RPL24: variants seen among roughly 807,000 people sequenced by gnomAD.
The protein encoded by RPL24 is large ribosomal subunit protein eL24.
RPL24 carries 7 observed loss-of-function variants against 26.4 expected under a neutral mutation model. That is an observed-to-expected ratio of 0.27 (90% CI 0.15 to 0.50). The LOEUF is 0.50. Ranked by LOEUF, RPL24 falls within the 20% of genes least tolerant of loss-of-function variation. The pLI is 0.98. For synonymous variants in RPL24, 67 were observed against 65.2 expected (o/e 1.03, Z -0.13); for missense variants, 109 against 194.9 (o/e 0.56, Z 2.62).
intron 2 of RPL24, 83 bp from the exon 3 acceptor site, chr3:101,686,011 A>C: frequency 1.1e-6 from 1 of 892,044 alleles, no homozygotes; most frequent in Non-Finnish European, 1.8e-6. Flanking sequence ...TTAGAAGATC[A>C]ATATGCTAGT....
intron 3 of RPL24, among the ~76,000 whole-genome samples, chr3:101,684,247 C>T (rs7650435): frequency 6.6e-6 from 1 of 151,674 alleles, no homozygotes; most frequent in Non-Finnish European, 1.5e-5. Flanking sequence ...TCACTGCAAC[C>T]CCCCACTTCC....
chr3:101,684,876 AC>A (rs1463848321), intron 3 of RPL24, among the ~76,000 whole-genome samples: 3 of 123,958 alleles, frequency 2.4e-5, no homozygotes, highest in African/African-American at 8.2e-5. Context: ...CATCTAAATA[AC>A]TTTTTTTTTT....
chr3:101,685,615 C>A (rs551801694), intron 3 of RPL24, among the ~76,000 whole-genome samples: 1 of 152,360 alleles, frequency 6.6e-6, no homozygotes, highest in South Asian at 2.1e-4. Flanking sequence ...ATTTATCTGA[C>A]TTTAAAATTT....
chr3:101,682,678 T>C, intron 4 of RPL24, 93 bp downstream of exon 4: 2 of 1,313,338 alleles, frequency 1.5e-6, no homozygotes, highest in East Asian at 4.6e-5. Flanking sequence ...CAGCTTAACA[T>C]ATATTAATCT....
Position 101,684,711 on chromosome 3 carries a change from T to G in RPL24, c.192+1107A>C, listed in dbSNP as rs530756380. Among the ~76,000 whole-genome samples, 4 of 132,670 alleles carry G rather than the reference T, an allele frequency of 3.0e-5. No individual in the cohort carries two copies. In the South Asian group the frequency reaches 9.4e-4, roughly 31 times the overall value. The allele number at this position is 132,670 out of a possible 152,430, so 87.0% of individuals were successfully genotyped here. ...GGAGGATCACTTGAGCCCATAAGGT[T>G]GAGGTGGAGTGAGCTGTGATCCTGC... On this transcript the variant is annotated intron_variant, in intron 3 of 5. Transcript: ENST00000394077.
Position 101,682,866 on chromosome 3 carries a change from G to A in RPL24, c.234C>T (p.Phe78=). The A allele has an allele frequency of 6.2e-7, 1 of 1,613,752 alleles. No homozygotes were observed. Among genetic ancestry groups the A allele is most frequent in the South Asian group, 1.1e-5 (1 of 91,058 alleles). Residue 78 remains phenylalanine, a synonymous_variant, in exon 4 of 6, where the codon TTC becomes TTT. Coordinates refer to ENST00000394077, the MANE Select transcript of RPL24 (RefSeq NM_000986.4). ...GAGATGCACCAGTAATGGCCCTCTG[G>A]AATTTGACTGCTCGGCGGGTTCTTT... ...QKKRTRRAVK[F]QRAITGASLA... is the part of the protein sequence containing the mutation.
At chr3:101,684,876 A>ATT (rs1559993262) in intron 3 of RPL24, among the ~76,000 whole-genome samples, 1 of 123,958 alleles carries the variant, frequency 8.1e-6, no homozygotes, top group African/African-American at 2.7e-5. Context: ...CATCTAAATA[A>ATT]CTTTTTTTTT....
chr3:101,685,781 A>C (rs530094282), intron 3 of RPL24, 37 bp downstream of exon 3: 9 of 1,202,544 alleles, frequency 7.5e-6, no homozygotes, highest in Non-Finnish European at 1.1e-5. Context: ...TGACAACTTA[A>C]GAGATAGCCC....
rs1406195877 is a variant in RPL24 at position 101,681,227 on chromosome 3, TAACAC to T, written c.394-17_394-13del. ...GCCTTTGTAGGTGCCTGTAAAAAGATAACACAATATTACTCCACAAAACTTTTGTT... is the reference window on the plus strand; with the variant it reads ...GCCTTTGTAGGTGCCTGTAAAAAGATAATATTACTCCACAAAACTTTTGTT... On this transcript the variant is annotated splice_polypyrimidine_tract_variant and intron_variant, in intron 5 of 5. Coordinates refer to ENST00000394077, the MANE Select transcript of RPL24 (RefSeq NM_000986.4). The T allele has an allele frequency of 6.3e-7, 1 of 1,595,400 alleles. No individual in the cohort carries two copies. The highest frequency in any genetic ancestry group is 1.3e-5 in the African/African-American group (1 of 74,666).
At chr3:101,682,031 C>T in intron 5 of RPL24, 1 of 179,110 alleles carries the variant, frequency 5.6e-6, no homozygotes, top group South Asian at 1.2e-4. Flanking sequence ...AACTGTGAAA[C>T]TTTCATTTAT....
rs535855294 is a variant in RPL24 at position 101,682,985 on chromosome 3, G to A, written c.193-78C>T. The A allele has an allele frequency of 2.3e-6, 3 of 1,307,686 alleles. 1 individual carries two copies. In the South Asian group the frequency reaches 4.1e-5, roughly 18 times the overall value. 81.0% of individuals were successfully genotyped at this position (1,307,686 alleles called of 1,614,324 possible). On this transcript the variant is annotated intron_variant, in intron 3 of 5. Coordinates refer to ENST00000394077, the MANE Select transcript of RPL24 (RefSeq NM_000986.4). ...AGGGAGGAAAAATTAAGTCTTTTAA[G>A]ACAGGGCAAATGAAGTATTTTAAGA...
chr3:101,686,490 C>A lies in RPL24; in HGVS notation c.73G>T (p.Asp25Tyr), dbSNP rs772148107. The change falls in exon 2 of 6, where the codon GAC becomes TAC. Residue 25 changes from aspartate (D) to tyrosine (Y), a missense_variant. Transcript: ENST00000394077. ...PGHGRRYART[D>Y]GKVFQFLNAK... Reference sequence around the variant, plus strand: ...CCGACGCGGCTTTTTACCTTCCCGTCGGTCCTGGCGTAGCGCCTCCCGTGT... The same window carrying A: ...CCGACGCGGCTTTTTACCTTCCCGTAGGTCCTGGCGTAGCGCCTCCCGTGT... The A allele has an allele frequency of 3.1e-6, 5 of 1,613,772 alleles. No individual in the cohort carries two copies. The highest frequency in any genetic ancestry group is 4.2e-6 in the Non-Finnish European group (5 of 1,179,886).
At chr3:101,683,669 T>C (rs1261316040) in intron 3 of RPL24, among the ~76,000 whole-genome samples, 6 of 151,982 alleles carry the variant, frequency 3.9e-5, no homozygotes, top group Non-Finnish European at 8.8e-5. Flanking sequence ...GTGGTAAAAA[T>C]GTAAAGTTGA....
chr3:101,683,320 T>A (rs1251067028), intron 3 of RPL24, among the ~76,000 whole-genome samples: 1 of 152,208 alleles, frequency 6.6e-6, no homozygotes, highest in Admixed American at 6.5e-5. Context: ...TAGGTAGGAT[T>A]TGTCTGAGAA....
At chr3:101,686,257 G>A in intron 2 of RPL24, 1 of 587,184 alleles carries the variant, frequency 1.7e-6, no homozygotes, top group African/African-American at 1.9e-5. Context: ...CTTACACCGG[G>A]ACATCAGTTA....
chr3:101,681,443 C>A (rs1324007943), intron 5 of RPL24: 3 of 537,916 alleles, frequency 5.6e-6, no homozygotes, highest in Non-Finnish European at 1.0e-5. Flanking sequence ...GAGACACAAC[C>A]AAGTGCAGTG....
In RPL24 at chr3:101,681,419, A is replaced by G; in HGVS notation, c.394-204T>C. 1.2e-5 allele frequency: 7 copies of G among 567,574 alleles called. No individual in the cohort carries two copies. The South Asian group carries it at 1.5e-4, about 12-fold the overall frequency. 35.2% of individuals were successfully genotyped at this position (567,574 alleles called of 1,614,324 possible). On this transcript the variant is annotated intron_variant, in intron 5 of 5. Transcript: ENST00000394077. ...AAGACAAAGACTAAGATACCCTCAC[A>G]GACTGGATGAAATGAGACACAACCA... is the stretch of plus-strand genomic sequence containing the variant.
chr3:101,683,830 G>C (rs1553781419), intron 3 of RPL24, among the ~76,000 whole-genome samples: 2 of 150,910 alleles, frequency 1.3e-5, no homozygotes, highest in Non-Finnish European at 2.9e-5. Flanking sequence ...TTCTGCCTCA[G>C]CCTCCTGAGT....
In RPL24 at chr3:101,685,882, T is replaced by C. The variant is rs146002165; in HGVS notation, c.128A>G (p.Lys43Arg). 3.9e-5 allele frequency: 63 copies of C among 1,613,970 alleles called. No homozygotes were observed. Among genetic ancestry groups the C allele is most frequent in the Non-Finnish European group, 5.3e-5 (62 of 1,179,966 alleles). The change falls in exon 3 of 6, where the codon AAG becomes AGG. Residue 43 changes from lysine (K) to arginine (R), a missense_variant. Physicochemically the swap from Lys to Arg is conservative, Grantham distance 26. Around this residue, in one of 3 missense-constraint regions of RPL24, gnomAD observed 69 missense variants for 96.2 expected, o/e 0.72. Transcript: ENST00000394077. The stretch of plus-strand genomic sequence containing the variant: ...CCAGTTTATCTGCCGAGGATTCCTC[T>C]TGGAAAGGAAAGCCGACTCGCATTT... ...NAKCESAFLS[K>R]RNPRQINWTV... is the part of the protein sequence containing the mutation.
Sources: gnomAD v4.1 joint callset for allele counts (sites outside exome capture counted in the v4.1 genomes callset) on GRCh38, gnomAD v4.1.1 for gene constraint, gnomAD v4.1.1 regional missense constraint, MANE v1.5 for transcripts, NCBI Gene and HGNC (gene_info 2026-07-23, HGNC 2026-07-21) for gene names.